Variants in MAPK10 observed in about 807,000 individuals in gnomAD.
The protein encoded by MAPK10 is mitogen-activated protein kinase 10.
Under a neutral mutation model 59.3 loss-of-function variants are expected in MAPK10, and 25 were observed. That is an observed-to-expected ratio of 0.42 (90% CI 0.31 to 0.59). The LOEUF is 0.59. Among genes scored for constraint, MAPK10 ranks in the 20% least tolerant of loss-of-function variants. The pLI, the probability that MAPK10 is intolerant of heterozygous loss-of-function variation, is 0.15. For missense variants in MAPK10, 351 were observed against 568.9 expected (o/e 0.62, Z 3.90); for synonymous variants, 190 against 200.5 (o/e 0.95, Z 0.44).
Position 86,384,243 on chromosome 4 carries a change from G to A in MAPK10, c.-121-29599C>T, listed in dbSNP as rs1401254486. 6 of 152,160 alleles carry A rather than the reference G, an allele frequency of 3.9e-5. No individual in the cohort carries two copies. The East Asian group carries it at 1.2e-3, about 29-fold the overall frequency. The allele number at this position is 152,160 out of a possible 1,614,324, so 9.4% of individuals were successfully genotyped here. A position where few individuals can be genotyped will look rare whatever the true frequency, so the allele number is the denominator to read the frequency against. ...ACACCAGGAACTGGAAAAACTGCAA[G>A]AACAAGTCCCTGCTATATAAGTTTT... On this transcript the variant is annotated intron_variant, in intron 1 of 13. Coordinates refer to the MAPK10 transcript ENST00000361569.
At chr4:86,105,571 T>C (rs964939806) in intron 5 of MAPK10, among the ~76,000 whole-genome samples, 7 of 152,152 alleles carry the variant, frequency 4.6e-5, no homozygotes, top group African/African-American at 1.7e-4. Context: ...TGGAAAACTT[T>C]CCATACAATT....
At position 86,488,687 on chromosome 4, in the gene MAPK10, C is replaced by T. The variant is rs111372928; in HGVS notation, c.-263+105223G>A. On this transcript the variant is annotated intron_variant, in intron 1 of 4. Transcript: ENST00000502302. ...TTTGCACTACACAATGGCACAGAGACCATGTTAGGACAGTCCCAGAAAGGC... is the reference window on the plus strand; with the variant it reads ...TTTGCACTACACAATGGCACAGAGATCATGTTAGGACAGTCCCAGAAAGGC... 7.4e-3 allele frequency among the ~76,000 whole-genome samples: 1,122 copies of T among 152,274 alleles called. 19 individuals carry two copies. The highest frequency in any genetic ancestry group is 0.025 in the African/African-American group (1,035 of 41,556).
intron 2 of MAPK10, among the ~76,000 whole-genome samples, chr4:86,235,967 C>T (rs1435832938): frequency 1.3e-5 from 2 of 152,152 alleles, no homozygotes; most frequent in Non-Finnish European, 2.9e-5. Context: ...AAGGGGTTGG[C>T]AGGGATAGTT....
chr4:86,581,899 TTATA>T (rs67303972), intron 1 of MAPK10, among the ~76,000 whole-genome samples: 2,199 of 91,032 alleles, frequency 0.024, 35 homozygotes, highest in Non-Finnish European at 0.026. Context: ...GCTATATATA[TTATA>T]TATATATATA....
upstream of MAPK10, among the ~76,000 whole-genome samples, chr4:86,364,539 C>G (rs945317847): frequency 1.3e-5 from 2 of 152,098 alleles, no homozygotes; most frequent in African/African-American, 2.4e-5. Flanking sequence ...CTTACATACT[C>G]ATTTCAATTA....
At chr4:86,279,374 C>T (rs920436894) in intron 2 of MAPK10, among the ~76,000 whole-genome samples, 2 of 152,070 alleles carry the variant, frequency 1.3e-5, no homozygotes, top group African/African-American at 4.8e-5. Context: ...ATCCTGTAGC[C>T]TGAAAGCCTA....
chr4:86,313,519 G>GA (rs2095713145), intron 2 of MAPK10, among the ~76,000 whole-genome samples: 1 of 151,790 alleles, frequency 6.6e-6, no homozygotes, highest in Admixed American at 6.6e-5. Flanking sequence ...ATATCAGGAA[G>GA]AAAAAACAAC....
chr4:86,455,227 C>A (rs566801409), upstream of MAPK10, among the ~76,000 whole-genome samples: 7 of 151,432 alleles, frequency 4.6e-5, no homozygotes, highest in Admixed American at 1.3e-4. Flanking sequence ...ACAACAACAA[C>A]AAAAAAAACA....
intron 2 of MAPK10, among the ~76,000 whole-genome samples, chr4:86,333,111 G>A (rs2096193903): frequency 6.6e-6 from 1 of 152,116 alleles, no homozygotes; most frequent in South Asian, 2.1e-4. Flanking sequence ...GCACCCAGCT[G>A]TAGAGATTTT....
chr4:86,462,590 C>A (rs545706177), intron 1 of MAPK10, among the ~76,000 whole-genome samples: 26 of 152,278 alleles, frequency 1.7e-4, no homozygotes, highest in Middle Eastern at 3.4e-3. Flanking sequence ...GCCAATTCAA[C>A]CCGCTCAATT....
chr4:86,180,929 T>C (rs961464504), intron 3 of MAPK10, among the ~76,000 whole-genome samples: 1 of 152,090 alleles, frequency 6.6e-6, no homozygotes, highest in Non-Finnish European at 1.5e-5. Context: ...TACGGTGTTC[T>C]ACAGCACTGT....
chr4:86,172,795 A>T (rs994548601), intron 3 of MAPK10, among the ~76,000 whole-genome samples: 1 of 150,984 alleles, frequency 6.6e-6, no homozygotes, highest in Non-Finnish European at 1.5e-5. Flanking sequence ...TAAAAAAAAA[A>T]GTTACAAGCA....
chr4:86,045,276 T>A (rs954695756), intron 11 of MAPK10, among the ~76,000 whole-genome samples: 4 of 152,110 alleles, frequency 2.6e-5, no homozygotes, highest in Non-Finnish European at 4.4e-5. Flanking sequence ...CTATGGTTCT[T>A]TAACTGAAAA....
chr4:86,044,665 G>T (rs2042185457), intron 11 of MAPK10: 1 of 396,944 alleles, frequency 2.5e-6, no homozygotes, highest in Non-Finnish European at 4.4e-6. Flanking sequence ...AATCAAAGTG[G>T]ACACAAGATT....
At chr4:86,388,211 TGAGA>T (rs571495609) in intron 1 of MAPK10, among the ~76,000 whole-genome samples, 1 of 150,952 alleles carries the variant, frequency 6.6e-6, no homozygotes, top group Non-Finnish European at 1.5e-5. Flanking sequence ...TGTGTCTGTG[TGAGA>T]GAGAGAGAGA....
intron 1 of MAPK10, among the ~76,000 whole-genome samples, chr4:86,402,212 A>C (rs1309484115): frequency 1.3e-5 from 2 of 152,184 alleles, no homozygotes; most frequent in South Asian, 4.1e-4. Context: ...TTTAGAATAA[A>C]ACCAAACCAA....
At chr4:86,333,960 A>G (rs1463820016) in intron 2 of MAPK10, among the ~76,000 whole-genome samples, 1 of 152,016 alleles carries the variant, frequency 6.6e-6, no homozygotes, top group Non-Finnish European at 1.5e-5. Flanking sequence ...GGTATTTGTC[A>G]AGGTTTGTTC....
chr4:86,091,152 A>T (rs1005338123), intron 9 of MAPK10: 2 of 151,906 alleles, frequency 1.3e-5, no homozygotes, highest in African/African-American at 4.8e-5. Context: ...CAAGTCCCCA[A>T]TAAATATTAT....
chr4:86,408,234 C>A (rs867108607), intron 1 of MAPK10, among the ~76,000 whole-genome samples: 4 of 152,100 alleles, frequency 2.6e-5, no homozygotes, highest in African/African-American at 9.7e-5. Context: ...ATGAACTCAT[C>A]ATTTTTTATG....
Sources: allele counts gnomAD v4.1 joint callset (sites outside exome capture counted in the v4.1 genomes callset), GRCh38; gene constraint gnomAD v4.1.1; transcripts MANE v1.5; gene names NCBI Gene and HGNC (gene_info 2026-07-23, HGNC 2026-07-21).